RPS19BP1: variants seen among roughly 807,000 people sequenced by gnomAD.
The protein encoded by RPS19BP1 is active regulator of SIRT1.
A neutral mutation model predicts 16.6 loss-of-function variants in RPS19BP1; 14 were observed. The observed-to-expected ratio is 0.84, with a 90% CI of 0.56 to 1.32. The LOEUF (loss-of-function observed/expected upper bound fraction) is 1.32. Ranked by LOEUF, RPS19BP1 falls within the 40% of genes most tolerant of loss-of-function variation. RPS19BP1 has a pLI of 0.00. For missense variants in RPS19BP1, 188 were observed against 178.6 expected (o/e 1.05, Z -0.30); for synonymous variants, 90 against 77.3 (o/e 1.16, Z -0.86).
At chr22:39,529,703 G>T (rs1217036013) in intron 3 of RPS19BP1, 80 bp from the exon 4 acceptor site, 3 of 1,600,646 alleles carry the variant, frequency 1.9e-6, no homozygotes, top group Non-Finnish European at 2.6e-6. Flanking sequence ...GTTCGGCGCA[G>T]GGCAGGGCTG....
intron 2 of RPS19BP1, chr22:39,531,931 G>A (rs1415650615): frequency 5.7e-6 from 1 of 174,406 alleles, no homozygotes; most frequent in Non-Finnish European, 1.2e-5. Flanking sequence ...ACCTTTACCA[G>A]CCTTTATTTT....
Position 39,529,810 on chromosome 22 carries a change from C to G in RPS19BP1, c.279+10G>C, listed in dbSNP as rs373670140. ...CTCCCAGGTCCCTTCCTATAGTACC[C>G]TCGACCAACCTGCTGGCTCACAGAC... is the stretch of plus-strand genomic sequence containing the variant. On this transcript the variant is annotated intron_variant, in intron 3 of 3. Coordinates refer to ENST00000334678, the MANE Select transcript of RPS19BP1 (RefSeq NM_194326.4). 6.1e-5 allele frequency: 98 copies of G among 1,613,674 alleles called. No individual in the cohort carries two copies. Among genetic ancestry groups the G allele is most frequent in the Non-Finnish European group, 8.2e-5 (97 of 1,179,718 alleles).
At chr22:39,531,358 A>G (rs1233363997) in intron 2 of RPS19BP1, 3 of 152,098 alleles carry the variant, frequency 2.0e-5, no homozygotes, top group Non-Finnish European at 4.4e-5. Context: ...TGGAATTCAT[A>G]ATTCTTTTAA....
rs755360832 is a variant in RPS19BP1, at chr22:39,529,915, C to T, written c.184G>A (p.Glu62Lys). Reference sequence around the variant, plus strand: ...TCTCGACACTCTCGCTTCCGGTACTCGTCTGTGGGTAGCAGGCAGGGAGCA... The same window carrying T: ...TCTCGACACTCTCGCTTCCGGTACTTGTCTGTGGGTAGCAGGCAGGGAGCA... ...KGKVPKSALD[E>K]YRKRECRDHL... Residue 62 changes from glutamate (E) to lysine (K), a missense_variant and splice_region_variant, in exon 3 of 4, where the codon GAG (glutamate) becomes AAG (lysine). Coordinates refer to ENST00000334678, the MANE Select transcript of RPS19BP1 (RefSeq NM_194326.4). 2.7e-5 allele frequency: 43 copies of T among 1,613,586 alleles called. No homozygotes were observed. The highest frequency in any genetic ancestry group is 2.2e-4 in the South Asian group (20 of 91,066).
rs757890878 is a variant in RPS19BP1 at position 39,529,604 on chromosome 22, C to A, written c.299G>T (p.Gly100Val). 1 of 1,614,092 alleles carries A rather than the reference C, an allele frequency of 6.2e-7. No homozygotes were observed. Among genetic ancestry groups the A allele is most frequent in the Admixed American group, 1.7e-5 (1 of 60,004 alleles). ...CACAGGCCGGTCACAGGCCTTGCGG[C>A]CCCGGTTCTGGCGCAAAATCTGGCG... ...VSQQILRQNR[G>V]RKACDRPVAK... is the part of the protein sequence containing the mutation. Residue 100 changes from glycine to valine, a missense_variant, in exon 4 of 4, where the codon GGC becomes GTC. Physicochemically the swap from Gly to Val is moderately radical, Grantham distance 109. Transcript: ENST00000334678.
Position 39,529,439 on chromosome 22 carries a change from G to A in RPS19BP1, c.*53C>T. 1 of 1,605,428 alleles carries A rather than the reference G, an allele frequency of 6.2e-7. No homozygotes were observed. On this transcript the variant is annotated 3_prime_UTR_variant, in exon 4 of 4. Transcript: ENST00000334678. ...GCACGGCCGGTTCCTGGAGCCAGCA[G>A]GAGTCGGAGGCTGCAGGGCTTGAAG... is the stretch of plus-strand genomic sequence containing the variant.
intron 2 of RPS19BP1, chr22:39,531,131 A>C (rs1389311880): frequency 6.6e-6 from 1 of 152,274 alleles, no homozygotes; most frequent in African/African-American, 2.4e-5. Flanking sequence ...GTGGACACCA[A>C]GGCTGCGGAC....
Position 39,532,565 on chromosome 22 carries a change from C to A in RPS19BP1, c.53-42G>T, listed in dbSNP as rs532188906. 240 of 1,611,812 alleles carry A rather than the reference C, an allele frequency of 1.5e-4. 1 individual carries two copies. In the South Asian group the frequency reaches 2.3e-3, roughly 16 times the overall value. ...AGGAAGAGACCCAGGTCAGAGGGCG[C>A]GCAGCGTTCCCATGCCACTGGGGCT... On this transcript the variant is annotated intron_variant, in intron 1 of 3. Coordinates refer to ENST00000334678, the MANE Select transcript of RPS19BP1 (RefSeq NM_194326.4).
chr22:39,529,312 C>G lies in RPS19BP1; in HGVS notation c.*180G>C. ...CTCCGGTCTGTGTGTAAATCCTCCC[C>G]AGGACTTCCGGCCCACCAGCTCCAT... On this transcript the variant is annotated 3_prime_UTR_variant, in exon 4 of 4. Transcript: ENST00000334678. 1.3e-6 allele frequency: 1 copy of G among 799,382 alleles called. No individual in the cohort carries two copies. Among genetic ancestry groups the G allele is most frequent in the Non-Finnish European group, 1.9e-6 (1 of 514,642 alleles). The allele number at this position is 799,382 out of a possible 1,614,324, so 49.5% of individuals were successfully genotyped here. A position where few individuals can be genotyped will look rare whatever the true frequency, so the allele number is the denominator to read the frequency against.
In RPS19BP1 at chr22:39,532,522, G is replaced by A; in HGVS notation, c.54C>T (p.Ala18=). The A allele has an allele frequency of 6.2e-7, 1 of 1,613,922 alleles. No individual in the cohort carries two copies. ...TGGCCTGACCTGGAGGGTCCCGGGG[G>A]GCTGTAGGGGAAGAGAGAGGAAGAG... is the stretch of plus-strand genomic sequence containing the variant. The part of the protein sequence containing the change: ...RGLELLAASE[A]PRDPPGQAKP... The change falls in exon 2 of 4, where the codon GCC becomes GCT. Residue 18 remains alanine (A), a splice_region_variant and synonymous_variant. Transcript: ENST00000334678.
chr22:39,530,190 A>C (rs552648925), intron 2 of RPS19BP1: 143 of 460,776 alleles, frequency 3.1e-4, no homozygotes, highest in African/African-American at 2.6e-3. Context: ...GATGAAGGAC[A>C]AAGGACCCAG....
Position 39,529,100 on chromosome 22 carries a change from T to G in RPS19BP1, c.*392A>C. On this transcript the variant is annotated 3_prime_UTR_variant, in exon 4 of 4. Coordinates refer to ENST00000334678, the MANE Select transcript of RPS19BP1 (RefSeq NM_194326.4). ...ACCAGCAGCAAACACAGCTCTTGGG[T>G]TCACATTTATTGTAACTTGGAAGCC... is the stretch of plus-strand genomic sequence containing the variant. 4.2e-6 allele frequency: 1 copy of G among 237,644 alleles called. No individual in the cohort carries two copies. Among genetic ancestry groups the G allele is most frequent in the Non-Finnish European group, 8.5e-6 (1 of 117,384 alleles). The allele number at this position is 237,644 out of a possible 1,614,324, so 14.7% of individuals were successfully genotyped here. A position where few individuals can be genotyped will look rare whatever the true frequency, so the allele number is the denominator to read the frequency against.
chr22:39,530,599 C>A (rs1391637034), intron 2 of RPS19BP1: 4 of 238,838 alleles, frequency 1.7e-5, no homozygotes, highest in Non-Finnish European at 3.5e-5. Flanking sequence ...GTGGTGGGCA[C>A]CTGTAATCCC....
rs548271478 is a variant in RPS19BP1, at chr22:39,531,944, CA to C, written c.181+450del. The C allele has an allele frequency of 3.5e-5, 6 of 171,896 alleles. No individual in the cohort carries two copies. The South Asian group carries it at 6.9e-4, about 20-fold the overall frequency. The allele number at this position is 171,896 out of a possible 1,614,324, so 10.6% of individuals were successfully genotyped here. A position where few individuals can be genotyped will look rare whatever the true frequency, so the allele number is the denominator to read the frequency against. ...TCACCTTTACCAGCCTTTATTTTTT[CA>C]AATTCTCAAAGGCAACAACCTCCTT... On this transcript the variant is annotated intron_variant, in intron 2 of 3. Transcript: ENST00000334678.
chr22:39,530,311 C>T, intron 2 of RPS19BP1: 1 of 239,424 alleles, frequency 4.2e-6, no homozygotes, highest in South Asian at 4.5e-5. Context: ...GAAGGTCTCA[C>T]TGAAATGACT....
rs964522054 is a variant in RPS19BP1, at chr22:39,530,791, G to A, written c.182-874C>T. 5 of 154,252 alleles carry A rather than the reference G, an allele frequency of 3.2e-5. No homozygotes were observed. In the Admixed American group the frequency reaches 3.3e-4, roughly 10 times the overall value. The allele number at this position is 154,252 out of a possible 1,614,324, so 9.6% of individuals were successfully genotyped here. On this transcript the variant is annotated intron_variant, in intron 2 of 3. Transcript: ENST00000334678. ...CTGGAGTAGGGGGAGTGGGTAGCAG[G>A]AAGAGACCAAGTTTGGCTGGGGGTG... is the stretch of plus-strand genomic sequence containing the variant.
Position 39,529,440 on chromosome 22 carries a change from G to A in RPS19BP1, c.*52C>T. 3 of 1,606,204 alleles carry A rather than the reference G, an allele frequency of 1.9e-6. No individual in the cohort carries two copies. The highest frequency in any genetic ancestry group is 1.7e-5 in the Admixed American group (1 of 58,616). Reference sequence around the variant, plus strand: ...CACGGCCGGTTCCTGGAGCCAGCAGGAGTCGGAGGCTGCAGGGCTTGAAGG... The same window carrying A: ...CACGGCCGGTTCCTGGAGCCAGCAGAAGTCGGAGGCTGCAGGGCTTGAAGG... On this transcript the variant is annotated 3_prime_UTR_variant, in exon 4 of 4. Coordinates refer to ENST00000334678, the MANE Select transcript of RPS19BP1 (RefSeq NM_194326.4).
chr22:39,532,622 C>A, intron 1 of RPS19BP1, 65 bp downstream of exon 1: 1 of 1,595,746 alleles, frequency 6.3e-7, no homozygotes. Flanking sequence ...CCATCCAGGG[C>A]TCCCGCCCGC....
In RPS19BP1 at chr22:39,532,503, G is replaced by A; in HGVS notation, c.73C>T (p.Gln25Ter). ...ACCGGAGCCCCTCTCGGCTTGGCCTGACCTGGAGGGTCCCGGGGGGCTGTA... is the reference window on the plus strand; with the variant it reads ...ACCGGAGCCCCTCTCGGCTTGGCCTAACCTGGAGGGTCCCGGGGGGCTGTA... ...ASEAPRDPPG[Q>*]AKPRGAPVKR... Residue 25 changes from glutamine to a stop codon, truncating the protein, a stop_gained, in exon 2 of 4, where the codon CAG (glutamine) becomes TAG (stop). Coordinates refer to ENST00000334678, the MANE Select transcript of RPS19BP1 (RefSeq NM_194326.4). LOFTEE classifies it high-confidence loss of function. 1 of 1,614,118 alleles carries A rather than the reference G, an allele frequency of 6.2e-7. No individual in the cohort carries two copies. Among genetic ancestry groups the A allele is most frequent in the South Asian group, 1.1e-5 (1 of 91,072 alleles).
Sources: allele counts gnomAD v4.1 joint callset, GRCh38; gene constraint gnomAD v4.1.1; transcripts MANE v1.5; gene names NCBI Gene and HGNC (gene_info 2026-07-23, HGNC 2026-07-21).